RC3H1: variants seen among roughly 807,000 people sequenced by gnomAD.
The protein encoded by RC3H1 is ring finger and CCCH-type domains 1, also known as roquin-1.
RC3H1 carries 50 observed loss-of-function variants against 138.2 expected under a neutral mutation model. That is an observed-to-expected ratio of 0.36 (90% CI 0.29 to 0.46). The LOEUF is 0.46. Ranked by LOEUF, RC3H1 falls within the 20% of genes least tolerant of loss-of-function variation. The pLI is 1.00. For synonymous variants in RC3H1, 462 were observed against 489.1 expected, an observed-to-expected ratio of 0.94 and a Z score of 0.73; for missense variants, 1,031 against 1,388.1, an observed-to-expected ratio of 0.74 and a Z score of 4.09.
At chr1:173,987,314 T>C (rs1661069698) in intron 2 of RC3H1, among the ~76,000 whole-genome samples, 1 of 152,232 alleles carries the variant, frequency 6.6e-6, no homozygotes, top group African/African-American at 2.4e-5. Flanking sequence ...CATCTATTTA[T>C]TCAATCATTT....
chr1:173,968,856 A>ATTTTTT (rs370550482), intron 9 of RC3H1, among the ~76,000 whole-genome samples: 10 of 128,090 alleles, frequency 7.8e-5, no homozygotes, highest in Non-Finnish European at 1.5e-4. Context: ...AGGAATTTTG[A>ATTTTTT]TTTTTTTTTT....
At chr1:174,009,338 T>C (rs935311601) in intron 1 of RC3H1, 5 of 152,154 alleles carry the variant, frequency 3.3e-5, no homozygotes, top group Non-Finnish European at 5.9e-5. Flanking sequence ...ATGAATTCCT[T>C]CAGAGAAGGC....
chr1:173,995,065 AG>A (rs1285972615), intron 1 of RC3H1, among the ~76,000 whole-genome samples: 245 of 152,298 alleles, frequency 1.6e-3, no homozygotes, highest in African/African-American at 5.6e-3. Context: ...CATATATAAC[AG>A]AGGCAACCTG....
chr1:173,971,364 CTATATG>C (rs1660352721), intron 8 of RC3H1, among the ~76,000 whole-genome samples: 1 of 152,100 alleles, frequency 6.6e-6, no homozygotes, highest in African/African-American at 2.4e-5. Flanking sequence ...TTCAATATAG[CTATATG>C]TATGTTTCCA....
intron 11 of RC3H1, among the ~76,000 whole-genome samples, chr1:173,963,127 C>T (rs1447726321): frequency 2.0e-5 from 3 of 152,088 alleles, no homozygotes; most frequent in African/African-American, 4.8e-5. Flanking sequence ...ATTCTCCATA[C>T]CTGGTATTAT....
chr1:173,952,288 G>A, intron 13 of RC3H1, 150 bp from the exon 14 acceptor site: 1 of 379,986 alleles, frequency 2.6e-6, no homozygotes, highest in Non-Finnish European at 4.3e-6. Flanking sequence ...TGATTTTTAA[G>A]TGCCACAATA....
intron 2 of RC3H1, among the ~76,000 whole-genome samples, chr1:173,984,932 C>T (rs1216612769): frequency 6.6e-6 from 1 of 152,092 alleles, no homozygotes; most frequent in African/African-American, 2.4e-5. Flanking sequence ...TTTTCATTAC[C>T]CCAAAAAGAA....
intron 1 of RC3H1, among the ~76,000 whole-genome samples, chr1:174,001,471 G>C (rs1383249766): frequency 3.9e-5 from 6 of 152,162 alleles, no homozygotes; most frequent in Non-Finnish European, 8.8e-5. Flanking sequence ...TTTTGACACA[G>C]ATTCTCATTC....
chr1:174,010,736 C>A (rs1467315400), intron 1 of RC3H1, among the ~76,000 whole-genome samples: 1 of 152,112 alleles, frequency 6.6e-6, no homozygotes, highest in South Asian at 2.1e-4. Context: ...CAGGATAGTT[C>A]TTGCCTTCCT....
Position 173,935,930 on chromosome 1 carries a change from A to G in RC3H1, c.*2791T>C, listed in dbSNP as rs1572103379. On this transcript the variant is annotated 3_prime_UTR_variant, in exon 20 of 20. Transcript: ENST00000367696. ...AGGACCATGGAGGGGTACAGCTTGAATTCAGGTTACAATTAAAGAGATTTT... is the reference window on the plus strand; with the variant it reads ...AGGACCATGGAGGGGTACAGCTTGAGTTCAGGTTACAATTAAAGAGATTTT... The G allele has an allele frequency of 6.6e-6, 1 of 152,210 alleles. No homozygotes were observed. Among genetic ancestry groups the G allele is most frequent in the East Asian group, 1.9e-4 (1 of 5,192 alleles). 9.4% of individuals were successfully genotyped at this position (152,210 alleles called of 1,614,324 possible). A position where few individuals can be genotyped will look rare whatever the true frequency, so the allele number is the denominator to read the frequency against.
chr1:173,988,380 ATATATC>A (rs1661119906), intron 2 of RC3H1, among the ~76,000 whole-genome samples: 2 of 152,198 alleles, frequency 1.3e-5, no homozygotes, highest in Admixed American at 6.5e-5. Flanking sequence ...ATACATTGAG[ATATATC>A]TATGTCTTTT....
intron 18 of RC3H1, among the ~76,000 whole-genome samples, chr1:173,942,694 A>G (rs1273626345): frequency 6.6e-6 from 1 of 151,498 alleles, no homozygotes; most frequent in Admixed American, 6.6e-5. Context: ...TAGCCAGGCG[A>G]GGTGGCAGGC....
At chr1:174,013,779 T>G (rs1056051177) in intron 1 of RC3H1, among the ~76,000 whole-genome samples, 1 of 151,518 alleles carries the variant, frequency 6.6e-6, no homozygotes, top group Non-Finnish European at 1.5e-5. Flanking sequence ...TGTGAAGCCA[T>G]GAAAAGACAT....
intron 1 of RC3H1, among the ~76,000 whole-genome samples, chr1:174,005,286 T>A (rs1274881969): frequency 6.6e-6 from 1 of 152,186 alleles, no homozygotes; most frequent in Non-Finnish European, 1.5e-5. Context: ...GCTACACAAG[T>A]GGCCTCAGGG....
intron 7 of RC3H1, among the ~76,000 whole-genome samples, chr1:173,974,647 G>A (rs1207215058): frequency 7.8e-6 from 1 of 128,704 alleles, no homozygotes; most frequent in African/African-American, 4.3e-5. Context: ...AATCAGAGAG[G>A]AGGGAATTAA....
rs193142821 is a variant in RC3H1 at position 173,982,941 on chromosome 1, A to C, written c.593-39T>G. The C allele has an allele frequency of 1.9e-4, 294 of 1,535,196 alleles. 2 individuals carry two copies. The African/African-American group carries it at 3.9e-3, about 20-fold the overall frequency. On this transcript the variant is annotated intron_variant, in intron 4 of 19. Coordinates refer to ENST00000367696, the MANE Select transcript of RC3H1 (RefSeq NM_172071.4). ...GGCAAAACCAAAATTTATCAAGTAC[A>C]TAGATAAGATAAATCCATTTATTAG...
In RC3H1 at chr1:173,934,362, T is replaced by C. The variant is rs1462097600; in HGVS notation, c.*4359A>G. 1 of 152,184 alleles carries C rather than the reference T, an allele frequency of 6.6e-6. No individual in the cohort carries two copies. Among genetic ancestry groups the C allele is most frequent in the African/African-American group, 2.4e-5 (1 of 41,464 alleles). 9.4% of individuals were successfully genotyped at this position (152,184 alleles called of 1,614,324 possible). On this transcript the variant is annotated 3_prime_UTR_variant, in exon 20 of 20. Transcript: ENST00000367696. ...AGAAGCTGGGGTGGGCACAAATGCT[T>C]ATACACAATATTACAAAAGACGACA...
intron 13 of RC3H1, among the ~76,000 whole-genome samples, chr1:173,956,637 C>G: frequency 7.8e-6 from 1 of 127,596 alleles, no homozygotes; most frequent in Non-Finnish European, 1.6e-5. Flanking sequence ...CCAGCCCGGG[C>G]AACAAGAGTG....
intron 1 of RC3H1, among the ~76,000 whole-genome samples, chr1:174,015,249 CTTT>C (rs372400145): frequency 3.6e-5 from 5 of 139,912 alleles, no homozygotes; most frequent in African/African-American, 2.6e-5. Context: ...AATTATAGGC[CTTT>C]TTTTTTTTTT....
Sources: gnomAD v4.1 joint callset for allele counts (sites outside exome capture counted in the v4.1 genomes callset) on GRCh38, gnomAD v4.1.1 for gene constraint, MANE v1.5 for transcripts, NCBI Gene and HGNC (gene_info 2026-07-23, HGNC 2026-07-21) for gene names.